The following DCC variants were observed in gnomAD, a reference collection of about 807,000 sequenced individuals.
DCC encodes DCC netrin 1 receptor.
Under a neutral mutation model 172.5 loss-of-function variants are expected in DCC, and 58 were observed. The ratio of observed to expected loss-of-function variants is 0.34; its 90% CI spans 0.27 to 0.42. The LOEUF (loss-of-function observed/expected upper bound fraction) is 0.42. Among genes scored for constraint, DCC ranks in the 10% least tolerant of loss-of-function variants. DCC has a pLI of 1.00. For missense variants in DCC, 1,740 were observed against 1,791.0 expected (o/e 0.97, Z 0.51); for synonymous variants, 709 against 644.5 (o/e 1.10, Z -1.52).
At position 52,426,252 on chromosome 18, in the gene DCC, T is replaced by C. The variant is rs1051204157; in HGVS notation, c.91+85374T>C. 5.3e-5 allele frequency among the ~76,000 whole-genome samples: 8 copies of C among 152,078 alleles called. No individual in the cohort carries two copies. The East Asian group carries it at 1.6e-3, about 30-fold the overall frequency. ...ATGAGAACATAATGAAGGTGGCTGA[T>C]TGTGCATGAATCATTCCTTACTAAA... On this transcript the variant is annotated intron_variant, in intron 1 of 28. Transcript: ENST00000442544.
intron 12 of DCC, 55 bp from the exon 13 acceptor site, chr18:53,305,523 T>C (rs2057189513): frequency 6.9e-7 from 1 of 1,459,828 alleles, no homozygotes; most frequent in South Asian, 1.1e-5. Context: ...TCTTTGACCC[T>C]GTCCCATTGT....
intron 27 of DCC, among the ~76,000 whole-genome samples, chr18:53,517,287 G>A (rs1568182504): frequency 6.6e-6 from 1 of 151,216 alleles, no homozygotes; most frequent in Non-Finnish European, 1.5e-5. Context: ...ATCACACTCT[G>A]GGGACTGTTG....
intron 1 of DCC, among the ~76,000 whole-genome samples, chr18:52,478,484 T>A (rs1397993459): frequency 6.6e-6 from 1 of 152,190 alleles, no homozygotes; most frequent in Non-Finnish European, 1.5e-5. Flanking sequence ...ACTTATTATA[T>A]GCAAAGGCAC....
At chr18:53,372,165 A>G (rs1281444256) in intron 15 of DCC, among the ~76,000 whole-genome samples, 1 of 152,140 alleles carries the variant, frequency 6.6e-6, no homozygotes, top group Non-Finnish European at 1.5e-5. Context: ...ATGTGTGTGT[A>G]TGTTCATTGT....
At chr18:53,363,640 A>G (rs1427669188) in intron 15 of DCC, among the ~76,000 whole-genome samples, 2 of 152,046 alleles carry the variant, frequency 1.3e-5, no homozygotes, top group South Asian at 2.1e-4. Context: ...TTCTTTGTCC[A>G]CTGCCATTTC....
chr18:53,256,355 G>T (rs1190946075), intron 12 of DCC, among the ~76,000 whole-genome samples: 4 of 152,022 alleles, frequency 2.6e-5, no homozygotes, highest in African/African-American at 7.2e-5. Flanking sequence ...GGTCTAACAT[G>T]TAGGTCTTTA....
chr18:52,825,064 A>T (rs894220544), intron 2 of DCC, among the ~76,000 whole-genome samples: 3 of 152,164 alleles, frequency 2.0e-5, no homozygotes, highest in Non-Finnish European at 4.4e-5. Context: ...AAGATAAGCA[A>T]GATAAAGAAT....
intron 5 of DCC, among the ~76,000 whole-genome samples, chr18:53,062,956 CA>C: frequency 1.3e-5 from 2 of 152,212 alleles, no homozygotes; most frequent in Non-Finnish European, 2.9e-5. Context: ...TTTACTTTAT[CA>C]GAATAGTTTC....
In DCC at chr18:53,394,765, G is replaced by A. The variant is rs553420871; in HGVS notation, c.2689-2543G>A. Among the ~76,000 whole-genome samples the A allele has an allele frequency of 5.8e-4, 88 of 152,202 alleles. 6 individuals carry two copies. The South Asian group carries it at 0.018, about 31-fold the overall frequency. ...ATTTAATACTTTCTCTGGGCCAAACGCTATGCTTTACTTGTCTTAGTTTGC... is the reference window on the plus strand; with the variant it reads ...ATTTAATACTTTCTCTGGGCCAAACACTATGCTTTACTTGTCTTAGTTTGC... On this transcript the variant is annotated intron_variant, in intron 17 of 28. Transcript: ENST00000442544.
At chr18:52,438,044 G>C (rs1288480494) in intron 1 of DCC, among the ~76,000 whole-genome samples, 1 of 152,188 alleles carries the variant, frequency 6.6e-6, no homozygotes, top group Non-Finnish European at 1.5e-5. Context: ...AGGTAGAACA[G>C]CAATACAGAT....
At chr18:53,399,362 T>C (rs1343294476) in intron 18 of DCC, among the ~76,000 whole-genome samples, 2 of 152,216 alleles carry the variant, frequency 1.3e-5, no homozygotes, top group East Asian at 3.9e-4. Flanking sequence ...AAGGAGAAGA[T>C]GGGATAAGAC....
At chr18:52,559,279 A>G (rs1145287) in intron 1 of DCC, among the ~76,000 whole-genome samples, 145,521 of 152,210 alleles carry the variant, frequency 0.96, 69,932 homozygotes, top group Middle Eastern at 1. Context: ...ATGTGGCTAA[A>G]TTTTTGTATT....
chr18:52,776,301 T>A (rs1455768770), intron 2 of DCC, among the ~76,000 whole-genome samples: 1 of 151,902 alleles, frequency 6.6e-6, no homozygotes, highest in Non-Finnish European at 1.5e-5. Context: ...AGAACAAAAA[T>A]GAGCTCTTAA....
chr18:52,499,809 G>C (rs1481602886), intron 1 of DCC, among the ~76,000 whole-genome samples: 1 of 152,076 alleles, frequency 6.6e-6, no homozygotes, highest in Non-Finnish European at 1.5e-5. Context: ...CTGTGGAAAT[G>C]TTTGCACTAG....
intron 1 of DCC, among the ~76,000 whole-genome samples, chr18:52,641,659 A>C (rs1054369955): frequency 6.6e-6 from 1 of 152,190 alleles, no homozygotes; most frequent in Non-Finnish European, 1.5e-5. Flanking sequence ...TCAAAACCAC[A>C]ATGCAATACC....
chr18:52,347,523 G>C (rs1390122827), intron 1 of DCC, among the ~76,000 whole-genome samples: 1 of 152,006 alleles, frequency 6.6e-6, no homozygotes, highest in Non-Finnish European at 1.5e-5. Context: ...TTTTATCTCT[G>C]GCTATAAAAT....
chr18:52,489,362 C>A (rs2030388209), intron 1 of DCC, among the ~76,000 whole-genome samples: 1 of 152,108 alleles, frequency 6.6e-6, no homozygotes, highest in African/African-American at 2.4e-5. Flanking sequence ...ATTATTATTA[C>A]ACACTACAGA....
At chr18:52,767,877 G>A (rs2037279748) in intron 2 of DCC, among the ~76,000 whole-genome samples, 1 of 152,150 alleles carries the variant, frequency 6.6e-6, no homozygotes, top group South Asian at 2.1e-4. Context: ...ATGTGAATAA[G>A]ATTACCAGAT....
intron 24 of DCC, among the ~76,000 whole-genome samples, chr18:53,459,670 T>C (rs2045527305): frequency 1.3e-5 from 2 of 152,328 alleles, no homozygotes; most frequent in South Asian, 2.1e-4. Flanking sequence ...ATAATTCTTT[T>C]ATAATTTTGA....
Sources: gnomAD v4.1 joint callset for allele counts (sites outside exome capture counted in the v4.1 genomes callset) on GRCh38, gnomAD v4.1.1 for gene constraint, MANE v1.5 for transcripts, NCBI Gene and HGNC (gene_info 2026-07-23, HGNC 2026-07-21) for gene names.